The following LNX1 variants were observed in gnomAD, a reference collection of about 807,000 sequenced individuals.
LNX1 encodes E3 ubiquitin-protein ligase LNX.
In LNX1, 54 loss-of-function variants were observed where a neutral mutation model predicts 68.4. The observed-to-expected ratio is 0.79, with a 90% CI of 0.63 to 0.99. The LOEUF (loss-of-function observed/expected upper bound fraction) is 0.99. Among genes scored for constraint, LNX1 ranks in the 50% least tolerant of loss-of-function variants. The probability of loss-of-function intolerance (pLI) is 0.00; values close to 1 mark genes in which losing one functional copy is unlikely to be tolerated. For missense variants in LNX1, 906 were observed against 926.4 expected (o/e 0.98, Z 0.29); for synonymous variants, 336 against 350.0 (o/e 0.96, Z 0.45).
chr4:53,611,852 A>C (rs1329348325), intron 2 of LNX1, among the ~76,000 whole-genome samples: 1 of 152,194 alleles, frequency 6.6e-6, no homozygotes, highest in Non-Finnish European at 1.5e-5. Flanking sequence ...AACCCTCCCA[A>C]TAAAAACTGA....
At chr4:53,483,636 C>A (rs1724093513) in intron 6 of LNX1, among the ~76,000 whole-genome samples, 1 of 152,154 alleles carries the variant, frequency 6.6e-6, no homozygotes, top group South Asian at 2.1e-4. Context: ...CCAAGACAGA[C>A]CTGGTTTAGG....
chr4:53,537,572 C>T (rs1339596992), intron 2 of LNX1, among the ~76,000 whole-genome samples: 10 of 152,192 alleles, frequency 6.6e-5, no homozygotes, highest in Non-Finnish European at 1.5e-4. Context: ...TATTTTCTCA[C>T]TCTTTCCATC....
chr4:53,557,610 TACCCCA>T (rs1309882044), intron 2 of LNX1, among the ~76,000 whole-genome samples: 3 of 150,890 alleles, frequency 2.0e-5, no homozygotes, highest in Non-Finnish European at 4.4e-5. Flanking sequence ...GGAAAAAGAG[TACCCCA>T]AAAAAGCAGC....
intron 1 of LNX1, among the ~76,000 whole-genome samples, chr4:53,650,618 G>T (rs1735061320): frequency 2.0e-5 from 3 of 152,078 alleles, no homozygotes. Context: ...AGGAAGCTGG[G>T]ATTCAAAATT....
intron 2 of LNX1, among the ~76,000 whole-genome samples, chr4:53,614,596 T>C (rs1465774269): frequency 6.6e-6 from 1 of 152,162 alleles, no homozygotes; most frequent in Non-Finnish European, 1.5e-5. Context: ...AAATGACCAA[T>C]TGCTCTTAAG....
intron 1 of LNX1, among the ~76,000 whole-genome samples, chr4:53,580,129 G>A (rs1731741159): frequency 6.6e-6 from 1 of 152,168 alleles, no homozygotes; most frequent in African/African-American, 2.4e-5. Context: ...TAAAATAGAT[G>A]ATTCTACCTT....
chr4:53,561,862 C>A (rs1162635427), intron 2 of LNX1, among the ~76,000 whole-genome samples: 1 of 152,004 alleles, frequency 6.6e-6, no homozygotes, highest in Non-Finnish European at 1.5e-5. Context: ...GTAGGTGCAG[C>A]AAACCATCAT....
intron 1 of LNX1, among the ~76,000 whole-genome samples, chr4:53,644,385 G>A (rs1430772199): frequency 6.7e-6 from 1 of 149,458 alleles, no homozygotes; most frequent in African/African-American, 2.4e-5. Context: ...CTGGGCAACA[G>A]AGTGAGAGTC....
chr4:53,503,417 T>C (rs547768768), intron 4 of LNX1, among the ~76,000 whole-genome samples: 2 of 152,358 alleles, frequency 1.3e-5, no homozygotes, highest in African/African-American at 4.8e-5. Context: ...AGAATGGATA[T>C]TGTGTTATCA....
chr4:53,617,062 T>C (rs915595665), intron 1 of LNX1, among the ~76,000 whole-genome samples: 1 of 152,202 alleles, frequency 6.6e-6, no homozygotes, highest in African/African-American at 2.4e-5. Context: ...TGCCAGTTAC[T>C]ATAGAAAGTT....
chr4:53,648,461 G>A (rs1214593508), intron 1 of LNX1, among the ~76,000 whole-genome samples: 4 of 148,926 alleles, frequency 2.7e-5, no homozygotes, highest in African/African-American at 9.8e-5. Context: ...GTTGTTTTTT[G>A]TTGTTGTTGA....
At chr4:53,487,811 T>G (rs1383641511) in intron 6 of LNX1, among the ~76,000 whole-genome samples, 1 of 152,252 alleles carries the variant, frequency 6.6e-6, no homozygotes, top group Non-Finnish European at 1.5e-5. Flanking sequence ...TAATAATCAC[T>G]TCTTTAAAAA....
At chr4:53,573,076 T>A (rs1398164304) in intron 2 of LNX1, among the ~76,000 whole-genome samples, 1 of 152,154 alleles carries the variant, frequency 6.6e-6, no homozygotes, top group Non-Finnish European at 1.5e-5. Context: ...AGAAATCTGC[T>A]CATACACCCT....
intron 6 of LNX1, among the ~76,000 whole-genome samples, chr4:53,486,065 A>G (rs1485691983): frequency 2.6e-5 from 4 of 152,160 alleles, no homozygotes; most frequent in Non-Finnish European, 5.9e-5. Context: ...TCTCTCCCTT[A>G]AGAATCCTAG....
chr4:53,496,282 C>T lies in LNX1; in HGVS notation c.1091G>A (p.Arg364Lys), dbSNP rs750417291. The T allele has an allele frequency of 3.7e-6, 6 of 1,614,056 alleles. No individual in the cohort carries two copies. The Admixed American group carries it at 5.0e-5, about 13-fold the overall frequency. The change falls in exon 6 of 11, where the codon AGG (arginine) becomes AAG (lysine). Residue 364 changes from arginine to lysine, a missense_variant. Arg to Lys is a conservative substitution (Grantham distance 26). Transcript: ENST00000263925. The part of the protein sequence containing the change: ...TVMREQKFRS[R>K]NNGQAPDAYR... ...GGCATCCGGGGCCTGTCCATTGTTC[C>T]TGCTGCGGAACTTCTGTTCACGCAT...
At position 53,476,803 on chromosome 4, in the gene LNX1, G is replaced by A. The variant is rs752849268; in HGVS notation, c.1842C>T (p.Ala614=). 25 of 1,614,048 alleles carry A rather than the reference G, an allele frequency of 1.5e-5. No individual in the cohort carries two copies. The African/African-American group carries it at 2.5e-4, about 16-fold the overall frequency. The part of the protein sequence containing the change: ...PAALDSNHNM[A]PPSDWSPSWV... ...AGGATGGGGACCAGTCACTGGGTGG[G>A]GCCATGTTGTGGTTGGAGTCCAGGG... The change falls in exon 9 of 11, where the codon GCC becomes GCT. Residue 614 remains alanine (A), a synonymous_variant. Transcript: ENST00000263925.
chr4:53,646,744 T>C (rs1734895740), intron 1 of LNX1, among the ~76,000 whole-genome samples: 1 of 152,208 alleles, frequency 6.6e-6, no homozygotes, highest in African/African-American at 2.4e-5. Flanking sequence ...TACTTTCTAT[T>C]CTCCAGTTGG....
At chr4:53,472,594 TA>T (rs1375191857) in intron 9 of LNX1, among the ~76,000 whole-genome samples, 1 of 151,716 alleles carries the variant, frequency 6.6e-6, no homozygotes, top group Non-Finnish European at 1.5e-5. Flanking sequence ...ATTTTTATTT[TA>T]TTTTTATTTG....
intron 1 of LNX1, among the ~76,000 whole-genome samples, chr4:53,631,765 G>A (rs1374223763): frequency 2.6e-5 from 4 of 152,104 alleles, no homozygotes; most frequent in Non-Finnish European, 4.4e-5. Flanking sequence ...GCTTGTTTCA[G>A]TGATTCTCAA....
Sources: gnomAD v4.1 joint callset for allele counts (sites outside exome capture counted in the v4.1 genomes callset) on GRCh38, gnomAD v4.1.1 for gene constraint, MANE v1.5 for transcripts, NCBI Gene and HGNC (gene_info 2026-07-23, HGNC 2026-07-21) for gene names.